The following LMNA variants were observed in gnomAD, a reference collection of about 807,000 sequenced individuals.
The protein encoded by LMNA is lamin.
LMNA carries 20 observed loss-of-function variants against 70.4 expected under a neutral mutation model. That is an observed-to-expected ratio of 0.28 (90% CI 0.20 to 0.41). The LOEUF is 0.41. Ranked by LOEUF, LMNA falls within the 10% of genes least tolerant of loss-of-function variation. LMNA has a pLI of 1.00. For missense variants in LMNA, 652 were observed against 917.2 expected (o/e 0.71, Z 3.73); for synonymous variants, 339 against 372.8 (o/e 0.91, Z 1.04).
In LMNA at chr1:156,135,425, G is replaced by C; in HGVS notation, c.936+113G>C. 1 of 1,382,930 alleles carries C rather than the reference G, an allele frequency of 7.2e-7. No homozygotes were observed. The highest frequency in any genetic ancestry group is 1.0e-6 in the Non-Finnish European group (1 of 1,003,448). The allele number at this position is 1,382,930 out of a possible 1,614,324, so 85.7% of individuals were successfully genotyped here. A position where few individuals can be genotyped will look rare whatever the true frequency, so the allele number is the denominator to read the frequency against. Reference sequence around the variant, plus strand: ...GGTGGGAGGTTCCTGAGGAGGAGAGGGATGAAAAGTGTCCCCACAACCACA... The same window carrying C: ...GGTGGGAGGTTCCTGAGGAGGAGAGCGATGAAAAGTGTCCCCACAACCACA... On this transcript the variant is annotated intron_variant, in intron 5 of 11. Transcript: ENST00000368300. This position sits in a 1 kb window ranked among gnomAD's most constrained non-coding sequence, Gnocchi z 4.8.
At chr1:156,116,024 C>T (rs535208696) in intron 1 of LMNA, among the ~76,000 whole-genome samples, 1 of 152,288 alleles carries the variant, frequency 6.6e-6, no homozygotes, top group Admixed American at 6.5e-5. Flanking sequence ...CCTGCTTGGC[C>T]CAGGAATGCA....
intron 3 of LMNA, among the ~76,000 whole-genome samples, chr1:156,105,047 C>T (rs1290212511): frequency 6.6e-6 from 1 of 152,168 alleles, no homozygotes; most frequent in East Asian, 1.9e-4. Flanking sequence ...CAGCCAGACC[C>T]CTCTCATCCT....
chr1:156,136,884 G>T lies in LMNA; in HGVS notation c.1381-37G>T. The T allele has an allele frequency of 6.4e-7, 1 of 1,574,794 alleles. No homozygotes were observed. The highest frequency in any genetic ancestry group is 8.7e-7 in the Non-Finnish European group (1 of 1,152,396). On this transcript the variant is annotated intron_variant, in intron 7 of 11. Coordinates refer to ENST00000368300, the MANE Select transcript of LMNA (RefSeq NM_170707.4). This position sits in a 1 kb window ranked among gnomAD's most constrained non-coding sequence, Gnocchi z 6.1. Reference sequence around the variant, plus strand: ...AAGATACACCCAAGAGCCTGGGTGAGCCTCCCCGACCTTCCTCTTCCCTAT... The same window carrying T: ...AAGATACACCCAAGAGCCTGGGTGATCCTCCCCGACCTTCCTCTTCCCTAT...
rs56708115 is a variant in LMNA, at chr1:156,085,279, G to A, written c.-319+2095G>A. On this transcript the variant is annotated intron_variant, in intron 2 of 12. Coordinates refer to the LMNA transcript ENST00000368301. ...GGCACCTTGAGGAGCTGGATTCTCA[G>A]AGTGTTTTTTACGAATCCTTCGCTC... Among the ~76,000 whole-genome samples the A allele has an allele frequency of 5.4e-3, 828 of 152,346 alleles. 6 individuals are homozygous for A. Among genetic ancestry groups the A allele is most frequent in the African/African-American group, 0.019 (784 of 41,568 alleles).
intron 2 of LMNA, among the ~76,000 whole-genome samples, chr1:156,084,328 C>CAGGGGGG (rs1553259231): frequency 1.1e-5 from 1 of 90,978 alleles, no homozygotes; most frequent in East Asian, 2.2e-4. Context: ...CTCAGAAGGT[C>CAGGGGGG]GGGGGGTGGT....
At chr1:156,088,459 T>C (rs550261696) in intron 2 of LMNA, among the ~76,000 whole-genome samples, 1 of 152,134 alleles carries the variant, frequency 6.6e-6, no homozygotes, top group East Asian at 1.9e-4. Flanking sequence ...ACACAGAAAC[T>C]GGCCTGCATG....
chr1:156,089,344 G>A (rs1648603502), intron 2 of LMNA, among the ~76,000 whole-genome samples: 1 of 151,764 alleles, frequency 6.6e-6, no homozygotes, highest in Non-Finnish European at 1.5e-5. Context: ...TGCTCAGGCT[G>A]GAATGCAGTG....
At chr1:156,104,620 G>C (rs1022436614) in intron 3 of LMNA, among the ~76,000 whole-genome samples, 4 of 152,182 alleles carry the variant, frequency 2.6e-5, no homozygotes, top group African/African-American at 4.8e-5. Flanking sequence ...CATTCACCAA[G>C]GGGCCTGAGT....
chr1:156,130,517 C>A, intron 1 of LMNA, 100 bp from the exon 2 acceptor site: 1 of 1,277,784 alleles, frequency 7.8e-7, no homozygotes, highest in Non-Finnish European at 1.1e-6. Flanking sequence ...TAATTGCAGG[C>A]ATAGCAGCGC....
chr1:156,112,348 C>T (rs1226009266), upstream of LMNA, among the ~76,000 whole-genome samples: 2 of 151,970 alleles, frequency 1.3e-5, no homozygotes, highest in African/African-American at 4.8e-5. Context: ...ATCCTGCCAC[C>T]GCACTCCAGC....
In LMNA at chr1:156,115,349, A is replaced by C; in HGVS notation, c.356+75A>C. 1 of 1,360,262 alleles carries C rather than the reference A, an allele frequency of 7.4e-7. No homozygotes were observed. Among genetic ancestry groups the C allele is most frequent in the Non-Finnish European group, 1.0e-6 (1 of 983,936 alleles). The allele number at this position is 1,360,262 out of a possible 1,614,324, so 84.3% of individuals were successfully genotyped here. On this transcript the variant is annotated intron_variant, in intron 1 of 11. Coordinates refer to ENST00000368300, the MANE Select transcript of LMNA (RefSeq NM_170707.4). The surrounding 1 kb of genome is among the most constrained non-coding windows in gnomAD (Gnocchi z 5.8). ...CGGGCCGGCGCCCCTGGCCGGCCGC[A>C]GGAAGGGAGTGAGAGGGCCTGGAGG...
intron 1 of LMNA, among the ~76,000 whole-genome samples, chr1:156,119,350 T>C (rs984530407): frequency 6.6e-6 from 1 of 152,312 alleles, no homozygotes; most frequent in South Asian, 2.1e-4. Context: ...TCTCTTGACC[T>C]CGTGATCCGT....
At chr1:156,126,432 T>C in intron 1 of LMNA, 1 of 616,774 alleles carries the variant, frequency 1.6e-6, no homozygotes, top group South Asian at 1.9e-5. Flanking sequence ...AACAGGCCTG[T>C]GGCCGGCCCT....
chr1:156,101,360 T>C (rs903526664), intron 3 of LMNA, among the ~76,000 whole-genome samples: 2 of 152,076 alleles, frequency 1.3e-5, no homozygotes, highest in Admixed American at 6.6e-5. Flanking sequence ...TGGTTGTGGT[T>C]GCATGAACCT....
chr1:156,132,483 T>TAAATAA (rs1222191338), intron 2 of LMNA, among the ~76,000 whole-genome samples: 1 of 151,796 alleles, frequency 6.6e-6, no homozygotes, highest in East Asian at 1.9e-4. Flanking sequence ...AAAACATAAA[T>TAAATAA]AAATAAAAAT....
chr1:156,128,317 TA>T (rs916769644), intron 1 of LMNA, among the ~76,000 whole-genome samples: 1 of 152,146 alleles, frequency 6.6e-6, no homozygotes, highest in Admixed American at 6.5e-5. Context: ...CATCAGCCCA[TA>T]AGCTCGCAGA....
chr1:156,089,988 C>T (rs913468178), intron 2 of LMNA, among the ~76,000 whole-genome samples: 5 of 151,462 alleles, frequency 3.3e-5, no homozygotes, highest in Admixed American at 6.6e-5. Flanking sequence ...GCTCTGGTTT[C>T]GAGCTGCGGT....
chr1:156,138,178 C>G lies in LMNA; in HGVS notation c.1699-310C>G, dbSNP rs1651832318. 3.6e-6 allele frequency: 2 copies of G among 556,964 alleles called. No homozygotes were observed. The highest frequency in any genetic ancestry group is 3.1e-5 in the Admixed American group (1 of 32,408). The allele number at this position is 556,964 out of a possible 1,614,324, so 34.5% of individuals were successfully genotyped here. ...CTCCACTCCAATTAATAGTGCATGCCTGCTGCCCTACAAGCTTGCTCCCGT... is the reference window on the plus strand; with the variant it reads ...CTCCACTCCAATTAATAGTGCATGCGTGCTGCCCTACAAGCTTGCTCCCGT... On this transcript the variant is annotated intron_variant, in intron 10 of 11. Transcript: ENST00000368300. This position sits in a 1 kb window ranked among gnomAD's most constrained non-coding sequence, Gnocchi z 5.5.
chr1:156,086,944 A>G (rs1648503537), intron 2 of LMNA, among the ~76,000 whole-genome samples: 1 of 151,660 alleles, frequency 6.6e-6, no homozygotes, highest in African/African-American at 2.4e-5. Context: ...CCCGGCCAGG[A>G]ATTATATCCC....
Sources: gnomAD v4.1 joint callset for allele counts (sites outside exome capture counted in the v4.1 genomes callset) on GRCh38, gnomAD v4.1.1 for gene constraint, Gnocchi (gnomAD v3.1) non-coding constraint, MANE v1.5 for transcripts, NCBI Gene and HGNC (gene_info 2026-07-23, HGNC 2026-07-21) for gene names.